Variants in WWOX observed in about 807,000 individuals in gnomAD.
WWOX encodes the protein WW domain-containing oxidoreductase.
WWOX carries 69 observed loss-of-function variants against 46.2 expected under a neutral mutation model. That is an observed-to-expected ratio of 1.49 (90% confidence interval 1.23 to 1.82). The LOEUF (loss-of-function observed/expected upper bound fraction) is 1.82, where lower values mean the gene tolerates loss of function less well. Ranked by LOEUF, WWOX falls within the 40% of genes most tolerant of loss-of-function variation. The pLI, the probability that WWOX is intolerant of heterozygous loss-of-function variation, is 0.00. For missense variants in WWOX, 919 were observed against 542.6 expected (o/e 1.69, Z -6.89); for synonymous variants, 359 against 202.6 (o/e 1.77, Z -6.56).
chr16:79,072,779 C>T (rs1363931939), intron 8 of WWOX, among the ~76,000 whole-genome samples: 3 of 152,196 alleles, frequency 2.0e-5, no homozygotes, highest in African/African-American at 7.2e-5. Flanking sequence ...ATTTATCATA[C>T]AACATAATCC....
intron 8 of WWOX, among the ~76,000 whole-genome samples, chr16:78,614,399 C>T (rs1216572259): frequency 6.6e-6 from 1 of 152,204 alleles, no homozygotes. Flanking sequence ...TATTCTGAGT[C>T]CACATTGCTG....
chr16:79,205,572 T>C (rs1390065565), intron 8 of WWOX: 2 of 152,226 alleles, frequency 1.3e-5, no homozygotes, highest in Admixed American at 1.3e-4. Flanking sequence ...AATATTTGCT[T>C]TCCTGATCAT....
intron 5 of WWOX, among the ~76,000 whole-genome samples, chr16:78,218,011 T>C (rs549724506): frequency 6.6e-6 from 1 of 152,094 alleles, no homozygotes. Context: ...ACCCCCTCAA[T>C]TTTTTTACTT....
At chr16:78,899,017 T>C (rs1488563870) in intron 8 of WWOX, 2 of 152,186 alleles carry the variant, frequency 1.3e-5, no homozygotes, top group African/African-American at 4.8e-5. Context: ...AAATAGATTC[T>C]GTAGAATTCT....
At chr16:78,613,082 C>A (rs1357232181) in intron 8 of WWOX, among the ~76,000 whole-genome samples, 1 of 152,100 alleles carries the variant, frequency 6.6e-6, no homozygotes, top group Non-Finnish European at 1.5e-5. Context: ...TTTAGTAACT[C>A]ATGGTTTCTG....
intron 5 of WWOX, among the ~76,000 whole-genome samples, chr16:78,268,937 T>A (rs1398288611): frequency 6.6e-6 from 1 of 152,200 alleles, no homozygotes; most frequent in Non-Finnish European, 1.5e-5. Context: ...CAACCATGAT[T>A]AGTATTTTGT....
intron 8 of WWOX, among the ~76,000 whole-genome samples, chr16:78,834,278 C>A (rs966062495): frequency 1.3e-5 from 2 of 152,120 alleles, no homozygotes; most frequent in African/African-American, 4.8e-5. Context: ...GGGACCATGT[C>A]CCCATTGAAC....
At chr16:78,218,782 G>A (rs2036801630) in intron 5 of WWOX, among the ~76,000 whole-genome samples, 1 of 152,238 alleles carries the variant, frequency 6.6e-6, no homozygotes, top group Non-Finnish European at 1.5e-5. Context: ...AGCACGCTTC[G>A]GTGCGCATGT....
At chr16:78,779,814 C>CT (rs1317281464) in intron 8 of WWOX, among the ~76,000 whole-genome samples, 1 of 152,116 alleles carries the variant, frequency 6.6e-6, no homozygotes, top group Non-Finnish European at 1.5e-5. Flanking sequence ...TGTACCCTCT[C>CT]TGGCCCCAAG....
chr16:78,544,067 C>G (rs903585365), intron 8 of WWOX, among the ~76,000 whole-genome samples: 1 of 152,060 alleles, frequency 6.6e-6, no homozygotes, highest in Non-Finnish European at 1.5e-5. Flanking sequence ...AAAAGCCTAG[C>G]CAAGCAGAAA....
At chr16:78,710,495 TA>T (rs2048419870) in intron 8 of WWOX, among the ~76,000 whole-genome samples, 3 of 136,128 alleles carry the variant, frequency 2.2e-5, no homozygotes, top group African/African-American at 8.1e-5. Context: ...TATATATATA[TA>T]TATTTATATA....
chr16:79,042,128 C>G (rs779052680), intron 8 of WWOX, among the ~76,000 whole-genome samples: 23 of 152,168 alleles, frequency 1.5e-4, no homozygotes, highest in Non-Finnish European at 3.2e-4. Flanking sequence ...CACCCACGTT[C>G]CCCCGCCTGT....
intron 4 of WWOX, among the ~76,000 whole-genome samples, chr16:78,160,567 CTTAT>C (rs1026685655): frequency 6.6e-6 from 1 of 152,094 alleles, no homozygotes; most frequent in African/African-American, 2.4e-5. Context: ...GCCATAATGT[CTTAT>C]TTATTTATAC....
chr16:79,089,704 C>T (rs867481717), intron 8 of WWOX, among the ~76,000 whole-genome samples: 5 of 152,132 alleles, frequency 3.3e-5, no homozygotes, highest in Non-Finnish European at 5.9e-5. Flanking sequence ...GTTTTCCAGT[C>T]GCCTAAGCGT....
chr16:78,858,992 T>G (rs2052637710), intron 8 of WWOX, among the ~76,000 whole-genome samples: 1 of 78,422 alleles, frequency 1.3e-5, no homozygotes, highest in African/African-American at 5.2e-5. Context: ...ATCTACTAGT[T>G]TTGAAATTTA....
intron 8 of WWOX, among the ~76,000 whole-genome samples, chr16:78,821,700 A>C (rs952694018): frequency 5.9e-5 from 9 of 152,172 alleles, no homozygotes; most frequent in Non-Finnish European, 8.8e-5. Context: ...CAGGGAACTC[A>C]GTTGGTTGCT....
intron 8 of WWOX, among the ~76,000 whole-genome samples, chr16:78,444,883 C>G (rs1433869705): frequency 6.6e-6 from 1 of 152,144 alleles, no homozygotes; most frequent in African/African-American, 2.4e-5. Flanking sequence ...AGAACTCACT[C>G]AAATGCTGCT....
intron 8 of WWOX, among the ~76,000 whole-genome samples, chr16:78,934,916 A>G (rs1173608561): frequency 6.6e-6 from 1 of 152,346 alleles, no homozygotes; most frequent in South Asian, 2.1e-4. Context: ...CCTGAGCAAC[A>G]TGGTGAAACC....
intron 8 of WWOX, among the ~76,000 whole-genome samples, chr16:78,792,311 A>T (rs895312092): frequency 6.6e-6 from 1 of 152,138 alleles, no homozygotes; most frequent in South Asian, 2.1e-4. Flanking sequence ...ACCCAGCCCC[A>T]CCTTGGATCT....
Sources: allele counts gnomAD v4.1 joint callset (sites outside exome capture counted in the v4.1 genomes callset), GRCh38; gene constraint gnomAD v4.1.1; transcripts MANE v1.5; gene names NCBI Gene and HGNC (gene_info 2026-07-23, HGNC 2026-07-21).